The following NTNG2 variants were observed in gnomAD, a reference collection of about 807,000 sequenced individuals.
NTNG2 encodes the protein netrin-G2.
In NTNG2, 15 loss-of-function variants were observed where a neutral mutation model predicts 47.6. The observed-to-expected ratio is 0.32, with a 90% CI of 0.21 to 0.49. The LOEUF is 0.49. Ranked by LOEUF, NTNG2 falls within the 20% of genes least tolerant of loss-of-function variation. NTNG2 has a pLI of 0.99. For synonymous variants in NTNG2, 307 were observed against 324.6 expected, an observed-to-expected ratio of 0.95 and a Z score of 0.58; for missense variants, 578 against 764.6, an observed-to-expected ratio of 0.76 and a Z score of 2.88.
chr9:132,187,594 A>G (rs972304303), intron 2 of NTNG2, among the ~76,000 whole-genome samples: 1 of 130,638 alleles, frequency 7.7e-6, no homozygotes, highest in African/African-American at 2.8e-5. Context: ...AGAGAGAGAG[A>G]GAGGGACAGA....
chr9:132,227,337 C>G (rs1477470583), intron 4 of NTNG2, among the ~76,000 whole-genome samples: 1 of 152,238 alleles, frequency 6.6e-6, no homozygotes, highest in Non-Finnish European at 1.5e-5. Context: ...CTGCTGAATG[C>G]TAAGCTGCCC....
Position 132,222,766 on chromosome 9 carries a change from T to G in NTNG2, c.858-4083T>G, listed in dbSNP as rs567701263. Among the ~76,000 whole-genome samples, 4 of 152,296 alleles carry G rather than the reference T, an allele frequency of 2.6e-5. No homozygotes were observed. In the South Asian group the frequency reaches 8.3e-4, roughly 32 times the overall value. ...GGCGTCAGCTCAGAAACTCACTGCC[T>G]TCTCCACTCTGGCCTGACCTCATGT... On this transcript the variant is annotated intron_variant, in intron 3 of 7. Coordinates refer to ENST00000393229, the MANE Select transcript of NTNG2 (RefSeq NM_032536.4).
At chr9:132,190,805 A>G (rs895999278) in intron 2 of NTNG2, among the ~76,000 whole-genome samples, 3 of 152,200 alleles carry the variant, frequency 2.0e-5, no homozygotes, top group African/African-American at 4.8e-5. Context: ...CAGGCTTGGC[A>G]TCTGTGTAGG....
At chr9:132,199,726 G>C (rs6597554) in intron 3 of NTNG2, among the ~76,000 whole-genome samples, 151,865 of 152,320 alleles carry the variant, frequency 1, 75,707 homozygotes, top group Middle Eastern at 1. Flanking sequence ...AGACAGGACA[G>C]TCCAACGGCT....
At chr9:132,229,452 G>A (rs1284660729) in intron 4 of NTNG2, among the ~76,000 whole-genome samples, 2 of 151,890 alleles carry the variant, frequency 1.3e-5, no homozygotes, top group East Asian at 1.9e-4. Flanking sequence ...CCTCACTCCC[G>A]ATGCCTTCCC....
At chr9:132,184,989 T>C (rs1837243702) in intron 2 of NTNG2, among the ~76,000 whole-genome samples, 1 of 151,652 alleles carries the variant, frequency 6.6e-6, no homozygotes, top group Non-Finnish European at 1.5e-5. Flanking sequence ...GCCCAGGGTT[T>C]GGACTTAAGA....
In NTNG2 at chr9:132,182,153, T is replaced by C. The variant is rs889033515; in HGVS notation, c.213+15109T>C. 1.3e-5 allele frequency among the ~76,000 whole-genome samples: 2 copies of C among 152,236 alleles called. No individual in the cohort carries two copies. The highest frequency in any genetic ancestry group is 2.9e-5 in the Non-Finnish European group (2 of 68,028). On this transcript the variant is annotated intron_variant, in intron 2 of 7. Coordinates refer to ENST00000393229, the MANE Select transcript of NTNG2 (RefSeq NM_032536.4). This position sits in a 1 kb window ranked among gnomAD's most constrained non-coding sequence, Gnocchi z 4.2. ...GTTACTTGATAATTCACTTATTTCA[T>C]GTCTATTTGGCAGCGAGCGTGCTCC...
chr9:132,176,625 C>G (rs563039001), intron 2 of NTNG2, among the ~76,000 whole-genome samples: 1 of 152,310 alleles, frequency 6.6e-6, no homozygotes, highest in South Asian at 2.1e-4. Flanking sequence ...TGCTTTCTGG[C>G]TATTAGGAGT....
At chr9:132,201,241 C>A (rs1201344027) in intron 3 of NTNG2, among the ~76,000 whole-genome samples, 2 of 152,268 alleles carry the variant, frequency 1.3e-5, no homozygotes, top group South Asian at 2.1e-4. Context: ...GCCTTGATTT[C>A]CCATCTGTGA....
rs567389490 is a variant in NTNG2, at chr9:132,235,082, G to A, written c.1055-4022G>A. Among the ~76,000 whole-genome samples, 9 of 152,282 alleles carry A rather than the reference G, an allele frequency of 5.9e-5. No individual in the cohort carries two copies. The South Asian group carries it at 1.9e-3, about 32-fold the overall frequency. On this transcript the variant is annotated intron_variant, in intron 5 of 7. Coordinates refer to ENST00000393229, the MANE Select transcript of NTNG2 (RefSeq NM_032536.4). ...AGCGTTGTGTCACTGGTTCATGCTG[G>A]GGTCCCTGGTGAAAATGGGCCAGGC...
chr9:132,190,736 G>A (rs934430245), intron 2 of NTNG2, among the ~76,000 whole-genome samples: 4 of 152,256 alleles, frequency 2.6e-5, no homozygotes, highest in South Asian at 2.1e-4. Flanking sequence ...TGCCCATGAC[G>A]AGGCTTGAAA....
At chr9:132,205,365 C>A (rs756257616) in intron 3 of NTNG2, among the ~76,000 whole-genome samples, 1 of 152,172 alleles carries the variant, frequency 6.6e-6, no homozygotes, top group Non-Finnish European at 1.5e-5. Flanking sequence ...CACAAAAGGA[C>A]AAGTACCATA....
At chr9:132,209,137 A>G (rs550235340) in intron 3 of NTNG2, among the ~76,000 whole-genome samples, 1 of 152,368 alleles carries the variant, frequency 6.6e-6, no homozygotes, top group Admixed American at 6.5e-5. Context: ...TAGAGCTGCT[A>G]TAAACATTCG....
chr9:132,221,190 AC>A lies in NTNG2; in HGVS notation c.858-5657del, dbSNP rs1840326572. 6.6e-6 allele frequency among the ~76,000 whole-genome samples: 1 copy of A among 152,142 alleles called. No homozygotes were observed. The highest frequency in any genetic ancestry group is 6.5e-5 in the Admixed American group (1 of 15,270). The stretch of plus-strand genomic sequence containing the variant: ...AGTGGCATTTGGCCTAGAATCTGAC[AC>A]CACCTCTAAATATTAGCTCTAGGAG... On this transcript the variant is annotated intron_variant, in intron 3 of 7. Coordinates refer to ENST00000393229, the MANE Select transcript of NTNG2 (RefSeq NM_032536.4). The surrounding 1 kb of genome is among the most constrained non-coding windows in gnomAD (Gnocchi z 4.2).
intron 3 of NTNG2, among the ~76,000 whole-genome samples, chr9:132,212,105 C>T (rs1206504298): frequency 6.6e-6 from 1 of 152,228 alleles, no homozygotes; most frequent in East Asian, 1.9e-4. Flanking sequence ...TCCCACCCTT[C>T]CACCATCACA....
intron 3 of NTNG2, among the ~76,000 whole-genome samples, chr9:132,199,115 G>A (rs566005339): frequency 2.0e-3 from 304 of 152,232 alleles, no homozygotes; most frequent in African/African-American, 6.8e-3. Context: ...CTTTTCCACG[G>A]AAGAAGGTGC....
chr9:132,209,810 G>C (rs1839449732), intron 3 of NTNG2, among the ~76,000 whole-genome samples: 1 of 151,874 alleles, frequency 6.6e-6, no homozygotes, highest in Non-Finnish European at 1.5e-5. Flanking sequence ...GGTGTGAGCT[G>C]CTGGGGGAAT....
chr9:132,235,362 G>A (rs1425849663), intron 5 of NTNG2, among the ~76,000 whole-genome samples: 2 of 152,350 alleles, frequency 1.3e-5, no homozygotes, highest in South Asian at 2.1e-4. Context: ...CACAGGGAGT[G>A]TAGAAGGGTC....
Position 132,163,775 on chromosome 9 carries a change from G to T in NTNG2, c.-484+1536G>T, listed in dbSNP as rs144185250. 6.6e-6 allele frequency among the ~76,000 whole-genome samples: 1 copy of T among 152,206 alleles called. No individual in the cohort carries two copies. The highest frequency in any genetic ancestry group is 2.1e-4 in the South Asian group (1 of 4,830). ...GGCGAGCCCAGCCAGCTCGGGAGGC[G>T]CTAATTCAATAAGACAGAGAAATCT... is the stretch of plus-strand genomic sequence containing the variant. On this transcript the variant is annotated intron_variant, in intron 1 of 7. Coordinates refer to ENST00000393229, the MANE Select transcript of NTNG2 (RefSeq NM_032536.4). The surrounding 1 kb of genome is among the most constrained non-coding windows in gnomAD (Gnocchi z 7.2).
Sources: gnomAD v4.1 joint callset for allele counts (sites outside exome capture counted in the v4.1 genomes callset) on GRCh38, gnomAD v4.1.1 for gene constraint, Gnocchi (gnomAD v3.1) non-coding constraint, MANE v1.5 for transcripts, NCBI Gene and HGNC (gene_info 2026-07-23, HGNC 2026-07-21) for gene names.